Variants in NRXN3 observed in about 807,000 individuals in gnomAD.
NRXN3 encodes neurexin III.
In NRXN3, 32 loss-of-function variants were observed where a neutral mutation model predicts 137.6. That is an observed-to-expected ratio of 0.23 (90% CI 0.18 to 0.31). NRXN3 has a LOEUF of 0.31. NRXN3 is among the 10% of genes least tolerant of loss of function. The pLI is 1.00. For missense variants in NRXN3, 1,574 were observed against 2,062.5 expected, an observed-to-expected ratio of 0.76 and a Z score of 4.59; for synonymous variants, 798 against 784.5, an observed-to-expected ratio of 1.02 and a Z score of -0.29.
At chr14:79,280,514 CCT>C in intron 15 of NRXN3, 1 of 1,612,894 alleles carries the variant, frequency 6.2e-7, no homozygotes, top group Non-Finnish European at 8.5e-7. Context: ...CTATCGTTCC[CCT>C]GTTTCCCTTC....
At chr14:79,323,290 T>C (rs1470657224) in intron 15 of NRXN3, among the ~76,000 whole-genome samples, 1 of 152,114 alleles carries the variant, frequency 6.6e-6, no homozygotes, top group Non-Finnish European at 1.5e-5. Flanking sequence ...AATCCTCTTG[T>C]CTTAGTCTTC....
chr14:78,824,343 CTTTA>C (rs2098960314), intron 10 of NRXN3, among the ~76,000 whole-genome samples: 1 of 151,960 alleles, frequency 6.6e-6, no homozygotes, highest in South Asian at 2.1e-4. Context: ...GTTATCTATT[CTTTA>C]TTTGTTTCCA....
chr14:78,618,914 G>T (rs1322944436), intron 4 of NRXN3, among the ~76,000 whole-genome samples: 1 of 152,136 alleles, frequency 6.6e-6, no homozygotes, highest in African/African-American at 2.4e-5. Context: ...AGAACTTTAG[G>T]AATTTTGCTT....
In NRXN3 at chr14:79,144,897, G is replaced by T. The variant is rs537922641; in HGVS notation, c.3262+156756G>T. Among the ~76,000 whole-genome samples the T allele has an allele frequency of 2.5e-3, 368 of 144,408 alleles. 2 individuals are homozygous for T. Among genetic ancestry groups the T allele is most frequent in the African/African-American group, 8.6e-3 (334 of 39,044 alleles). The allele number at this position is 144,408 out of a possible 152,430, so 94.7% of individuals were successfully genotyped here. A position where few individuals can be genotyped will look rare whatever the true frequency, so the allele number is the denominator to read the frequency against. ...CATTCTGTTTCTTCCTCTTTTTTTT[G>T]AAAATCTTAGCAAGAGTTAATGGAC... On this transcript the variant is annotated intron_variant, in intron 15 of 20. Transcript: ENST00000335750.
intron 20 of NRXN3, among the ~76,000 whole-genome samples, chr14:79,818,474 T>C (rs2099260025): frequency 6.6e-6 from 1 of 152,164 alleles, no homozygotes; most frequent in Non-Finnish European, 1.5e-5. Context: ...AGAGCTTGGG[T>C]TAAGATACTG....
intron 10 of NRXN3, among the ~76,000 whole-genome samples, chr14:78,876,218 G>A (rs2099113563): frequency 6.6e-6 from 1 of 152,212 alleles, no homozygotes; most frequent in Non-Finnish European, 1.5e-5. Context: ...AGCAATTGGA[G>A]TATTTGGTTT....
intron 15 of NRXN3, among the ~76,000 whole-genome samples, chr14:79,273,588 C>T (rs577039045): frequency 1.5e-4 from 23 of 152,090 alleles, no homozygotes; most frequent in Non-Finnish European, 2.8e-4. Flanking sequence ...GAGCCAAGAT[C>T]GCGCCACTGC....
intron 4 of NRXN3, among the ~76,000 whole-genome samples, chr14:78,522,861 A>G (rs1001403235): frequency 1.3e-5 from 2 of 152,218 alleles, no homozygotes; most frequent in Non-Finnish European, 2.9e-5. Flanking sequence ...GCGAGAGAAG[A>G]GCTTGTCTGA....
intron 16 of NRXN3, among the ~76,000 whole-genome samples, chr14:79,575,911 A>C (rs2097660022): frequency 6.6e-6 from 1 of 152,166 alleles, no homozygotes; most frequent in Non-Finnish European, 1.5e-5. Flanking sequence ...TCTGTTATAA[A>C]ATTGATCAGT....
At chr14:78,373,492 G>A (rs1294742097) in intron 4 of NRXN3, among the ~76,000 whole-genome samples, 1 of 152,156 alleles carries the variant, frequency 6.6e-6, no homozygotes, top group Non-Finnish European at 1.5e-5. Flanking sequence ...TGTAAATCAG[G>A]GGTAAAGCCA....
intron 16 of NRXN3, among the ~76,000 whole-genome samples, chr14:79,583,580 T>C (rs893194098): frequency 6.6e-6 from 1 of 152,192 alleles, no homozygotes; most frequent in Admixed American, 6.5e-5. Flanking sequence ...GCAACGTCCA[T>C]GGGAATGAAT....
intron 16 of NRXN3, among the ~76,000 whole-genome samples, chr14:79,655,343 T>TTGACTGAC (rs2307553): frequency 1.3e-5 from 2 of 151,812 alleles, no homozygotes; most frequent in South Asian, 2.1e-4. Context: ...AAGTGGGCAT[T>TTGACTGAC]TGACAGAGTA....
chr14:79,099,915 T>G (rs567006435), intron 15 of NRXN3, among the ~76,000 whole-genome samples: 1 of 152,318 alleles, frequency 6.6e-6, no homozygotes, highest in South Asian at 2.1e-4. Flanking sequence ...TTAGTAAGAA[T>G]CTTTTTGGTC....
chr14:79,460,156 A>G (rs751066856), intron 15 of NRXN3, among the ~76,000 whole-genome samples: 1 of 152,248 alleles, frequency 6.6e-6, no homozygotes, highest in Middle Eastern at 3.4e-3. Context: ...TCTGGGAGTT[A>G]AAGTATATAT....
chr14:78,985,672 A>G (rs1260912103), intron 14 of NRXN3, among the ~76,000 whole-genome samples: 1 of 152,208 alleles, frequency 6.6e-6, no homozygotes, highest in Admixed American at 6.5e-5. Context: ...TTTTACAGTA[A>G]AACTTTCCAT....
chr14:79,493,932 C>T (rs761793290), intron 16 of NRXN3, among the ~76,000 whole-genome samples: 1 of 152,188 alleles, frequency 6.6e-6, no homozygotes, highest in Non-Finnish European at 1.5e-5. Flanking sequence ...TTCCAATTTG[C>T]TTACTTCTCC....
chr14:78,665,286 A>G (rs1567010205), intron 6 of NRXN3, among the ~76,000 whole-genome samples: 1 of 152,200 alleles, frequency 6.6e-6, no homozygotes. Context: ...ACAATTCAGC[A>G]TGGCTGAGGA....
chr14:79,833,774 C>T (rs1380108160), intron 20 of NRXN3, among the ~76,000 whole-genome samples: 2 of 152,074 alleles, frequency 1.3e-5, no homozygotes, highest in African/African-American at 4.8e-5. Flanking sequence ...AATTGACATA[C>T]TCAGGTTTTT....
At chr14:78,859,308 C>G (rs547073492) in intron 10 of NRXN3, among the ~76,000 whole-genome samples, 3 of 152,082 alleles carry the variant, frequency 2.0e-5, no homozygotes, top group Non-Finnish European at 4.4e-5. Context: ...TCCTTCATAG[C>G]GGTGTGAGAA....
Sources: allele counts gnomAD v4.1 joint callset (sites outside exome capture counted in the v4.1 genomes callset), GRCh38; gene constraint gnomAD v4.1.1; transcripts MANE v1.5; gene names NCBI Gene and HGNC (gene_info 2026-07-23, HGNC 2026-07-21).